RPGRIP1: variants seen among roughly 807,000 people sequenced by gnomAD.
RPGRIP1 encodes the protein RPGR interacting protein 1.
Under a neutral mutation model 157.9 loss-of-function variants are expected in RPGRIP1, and 128 were observed. The observed-to-expected ratio is 0.81, with a 90% confidence interval of 0.70 to 0.94. RPGRIP1 has a LOEUF of 0.94. Ranked by LOEUF, RPGRIP1 falls within the 40% of genes least tolerant of loss-of-function variation. The probability of loss-of-function intolerance (pLI) is 0.00; values close to 1 mark genes in which losing one functional copy is unlikely to be tolerated. For missense variants in RPGRIP1, 1,486 were observed against 1,545.8 expected (o/e 0.96, Z 0.65); for synonymous variants, 554 against 571.6 (o/e 0.97, Z 0.44).
chr14:21,349,275 G>A (rs1439407427), intron 24 of RPGRIP1, among the ~76,000 whole-genome samples: 1 of 151,394 alleles, frequency 6.6e-6, no homozygotes, highest in Non-Finnish European at 1.5e-5. Flanking sequence ...TCACCATGTT[G>A]CCCAGGCTGG....
Position 21,344,135 on chromosome 14 carries a change from G to A in RPGRIP1, c.3532+907G>A, listed in dbSNP as rs543272123. On this transcript the variant is annotated intron_variant, in intron 22 of 24. Transcript: ENST00000400017. Reference sequence around the variant, plus strand: ...CACTCATGTCCCTTTCCTTCCCATCGTAATTGTATCATAATTTTTATTTAA... The same window carrying A: ...CACTCATGTCCCTTTCCTTCCCATCATAATTGTATCATAATTTTTATTTAA... Among the ~76,000 whole-genome samples the A allele has an allele frequency of 1.3e-4, 19 of 151,376 alleles. No individual in the cohort carries two copies. In the South Asian group the frequency reaches 1.9e-3, roughly 15 times the overall value.
Position 21,288,117 on chromosome 14 carries a change from G to A in RPGRIP1, c.85+56G>A, listed in dbSNP as rs898100571. 2.7e-6 allele frequency: 3 copies of A among 1,114,698 alleles called. No homozygotes were observed. In the African/African-American group the frequency reaches 4.6e-5, roughly 17 times the overall value. 69.1% of individuals were successfully genotyped at this position (1,114,698 alleles called of 1,614,324 possible). On this transcript the variant is annotated intron_variant, in intron 2 of 24. Transcript: ENST00000400017. The stretch of plus-strand genomic sequence containing the variant: ...TTAGAATTAAAAGAACTCTCACTGT[G>A]GAACATCTTGCTGGCCTTCACAGAG...
intron 10 of RPGRIP1, among the ~76,000 whole-genome samples, chr14:21,312,913 G>C: frequency 6.6e-6 from 1 of 151,984 alleles, no homozygotes; most frequent in South Asian, 2.1e-4. Flanking sequence ...GCTTACTGCA[G>C]CCCCAGTCTC....
chr14:21,337,444 T>A (rs1025415202), intron 21 of RPGRIP1, among the ~76,000 whole-genome samples: 6 of 150,640 alleles, frequency 4.0e-5, no homozygotes, highest in Non-Finnish European at 8.9e-5. Flanking sequence ...TAAGCTTTTT[T>A]TTTTTTTTTT....
rs537534315 is a variant in RPGRIP1 at position 21,288,519 on chromosome 14, C to CT, written c.85+466dup. 9.4e-3 allele frequency among the ~76,000 whole-genome samples: 1,299 copies of CT among 138,000 alleles called. 9 individuals carry two copies. The highest frequency in any genetic ancestry group is 0.013 in the Non-Finnish European group (797 of 63,632). The allele number at this position is 138,000 out of a possible 152,430, so 90.5% of individuals were successfully genotyped here. ...TTATTCTTAAGTTCTTTTTTTTTTT[C>CT]TTTTTTTTGAGATGGAGTTTCACTC... On this transcript the variant is annotated intron_variant, in intron 2 of 24. Coordinates refer to ENST00000400017, the MANE Select transcript of RPGRIP1 (RefSeq NM_020366.4).
intron 10 of RPGRIP1, among the ~76,000 whole-genome samples, chr14:21,317,330 T>C (rs1167981279): frequency 6.6e-6 from 1 of 152,116 alleles, no homozygotes; most frequent in Non-Finnish European, 1.5e-5. Flanking sequence ...GGCATGGGGT[T>C]TGAGAAAAGG....
intron 23 of RPGRIP1, among the ~76,000 whole-genome samples, chr14:21,346,250 C>T (rs1885555140): frequency 6.6e-6 from 1 of 151,538 alleles, no homozygotes. Flanking sequence ...GTGGGACATA[C>T]CCAAAAAAAA....
At chr14:21,322,030 C>T in intron 14 of RPGRIP1, 26 bp downstream of exon 14, 1 of 1,595,750 alleles carries the variant, frequency 6.3e-7, no homozygotes. Flanking sequence ...TTGTTCTCCT[C>T]ACTTCGGGAC....
chr14:21,318,016 C>T, intron 11 of RPGRIP1, 166 bp downstream of exon 11: 1 of 707,556 alleles, frequency 1.4e-6, no homozygotes, highest in Non-Finnish European at 2.6e-6. Context: ...GATCTACAAT[C>T]AGGAAAACAT....
At chr14:21,293,485 G>A (rs1365188253) in intron 2 of RPGRIP1, among the ~76,000 whole-genome samples, 1 of 152,168 alleles carries the variant, frequency 6.6e-6, no homozygotes, top group Non-Finnish European at 1.5e-5. Context: ...GCTCATGCCT[G>A]TAATCCCAGC....
At chr14:21,345,304 G>T in intron 23 of RPGRIP1, 107 bp downstream of exon 23, 1 of 713,512 alleles carries the variant, frequency 1.4e-6, no homozygotes, top group Non-Finnish European at 2.4e-6. Flanking sequence ...ACTTTTTTGA[G>T]TTAATTTACT....
chr14:21,340,393 G>A (rs572564166), intron 21 of RPGRIP1, among the ~76,000 whole-genome samples: 10 of 152,172 alleles, frequency 6.6e-5, no homozygotes, highest in Non-Finnish European at 1.2e-4. Context: ...AATGGCTCAC[G>A]CCTGTAGTCC....
chr14:21,351,079 G>T, intron 24 of RPGRIP1, 25 bp from the exon 25 acceptor site: 1 of 1,347,548 alleles, frequency 7.4e-7, no homozygotes, highest in Non-Finnish European at 1.1e-6. Context: ...ACTGAGTGAT[G>T]CTGTTTTTTT....
chr14:21,313,515 CGCGGCGGCTCATGCCTGTCATCCCA>C (rs1881632519), intron 10 of RPGRIP1, among the ~76,000 whole-genome samples: 1 of 152,046 alleles, frequency 6.6e-6, no homozygotes, highest in South Asian at 2.1e-4. Context: ...GATGGCCAGG[CGCGGCGGCTCATGCCTGTCATCCCA>C]GCACTTTGGG....
chr14:21,321,485 A>G (rs766716183), intron 13 of RPGRIP1, 83 bp downstream of exon 13: 4 of 1,534,988 alleles, frequency 2.6e-6, no homozygotes, highest in African/African-American at 1.4e-5. Context: ...AGCAAGACCT[A>G]AGTTTCCAGG....
intron 12 of RPGRIP1, among the ~76,000 whole-genome samples, chr14:21,320,595 C>CTTTT (rs34911429): frequency 1.1e-3 from 101 of 95,148 alleles, no homozygotes; most frequent in Non-Finnish European, 1.5e-3. Context: ...CCGGCCCACT[C>CTTTT]TTTTTTTTTT....
intron 6 of RPGRIP1, 101 bp downstream of exon 6, chr14:21,303,644 G>T: frequency 1.1e-6 from 1 of 913,574 alleles, no homozygotes; most frequent in South Asian, 1.6e-5. Context: ...AGAGTGTTTG[G>T]GATTAAATTC....
At position 21,350,901 on chromosome 14, in the gene RPGRIP1, C is replaced by T. The variant is rs186556784; in HGVS notation, c.3749-203C>T. Reference sequence around the variant, plus strand: ...TTTGTCCATTCTGGTGCAGATGCCTCGTTATGTCCCCAAAGCAACTTGTGC... The same window carrying T: ...TTTGTCCATTCTGGTGCAGATGCCTTGTTATGTCCCCAAAGCAACTTGTGC... On this transcript the variant is annotated intron_variant, in intron 24 of 24. Coordinates refer to ENST00000400017, the MANE Select transcript of RPGRIP1 (RefSeq NM_020366.4). 4.6e-5 allele frequency among the ~76,000 whole-genome samples: 7 copies of T among 152,282 alleles called. No individual in the cohort carries two copies. The East Asian group carries it at 1.4e-3, about 29-fold the overall frequency.
intron 23 of RPGRIP1, among the ~76,000 whole-genome samples, chr14:21,346,336 G>A (rs940634226): frequency 6.6e-6 from 1 of 152,012 alleles, no homozygotes; most frequent in Non-Finnish European, 1.5e-5. Context: ...GATCACTTGA[G>A]GCCAGGAGTT....
Sources: gnomAD v4.1 joint callset for allele counts (sites outside exome capture counted in the v4.1 genomes callset) on GRCh38, gnomAD v4.1.1 for gene constraint, MANE v1.5 for transcripts, NCBI Gene and HGNC (gene_info 2026-07-23, HGNC 2026-07-21) for gene names.